Variants in CPNE8 observed in about 807,000 individuals in gnomAD.
CPNE8 encodes copine 8.
A neutral mutation model predicts 81.5 loss-of-function variants in CPNE8; 45 were observed. The observed-to-expected ratio is 0.55, with a 90% CI of 0.44 to 0.71. The LOEUF is 0.71. Ranked by LOEUF, CPNE8 falls within the 30% of genes least tolerant of loss-of-function variation. CPNE8 has a pLI of 0.00. For synonymous variants in CPNE8, 252 were observed against 226.3 expected (o/e 1.11, Z -1.02); for missense variants, 594 against 672.1 (o/e 0.88, Z 1.28).
At chr12:38,675,569 T>C in intron 18 of CPNE8, 148 bp downstream of exon 18, 1 of 584,436 alleles carries the variant, frequency 1.7e-6, no homozygotes, top group Non-Finnish European at 3.0e-6. Context: ...TCTATGTATA[T>C]GTCTAATTAT....
At chr12:38,864,592 T>G (rs946034305) in intron 3 of CPNE8, among the ~76,000 whole-genome samples, 18 of 152,228 alleles carry the variant, frequency 1.2e-4, no homozygotes, top group Admixed American at 6.5e-5. Flanking sequence ...GATGTAATTG[T>G]GCAGCGGAGA....
intron 13 of CPNE8, among the ~76,000 whole-genome samples, chr12:38,711,468 CTT>C (rs143490216): frequency 0.058 from 8,199 of 142,204 alleles, 475 homozygotes; most frequent in East Asian, 0.32. Context: ...AAGTGTAGTT[CTT>C]TTTTTTTTTT....
At chr12:38,751,531 A>T (rs1446452737) in intron 10 of CPNE8, among the ~76,000 whole-genome samples, 1 of 152,206 alleles carries the variant, frequency 6.6e-6, no homozygotes, top group African/African-American at 2.4e-5. Flanking sequence ...GACTACACAT[A>T]GCAATTCTCA....
intron 15 of CPNE8, 73 bp downstream of exon 15, chr12:38,693,578 AAAGAAT>A: frequency 7.9e-7 from 1 of 1,268,514 alleles, no homozygotes; most frequent in East Asian, 2.4e-5. Context: ...TTGACTGACT[AAAGAAT>A]AAGTACCAAA....
chr12:38,661,666 C>G (rs1938956065), intron 19 of CPNE8, among the ~76,000 whole-genome samples: 2 of 152,002 alleles, frequency 1.3e-5, no homozygotes. Flanking sequence ...AAGGCCAGAA[C>G]TACCCTGATA....
chr12:38,762,122 C>A lies in CPNE8; in HGVS notation c.670G>T (p.Asp224Tyr). 6.6e-7 allele frequency: 1 copy of A among 1,519,366 alleles called. No individual in the cohort carries two copies. The highest frequency in any genetic ancestry group is 8.9e-7 in the Non-Finnish European group (1 of 1,121,370). 94.1% of individuals were successfully genotyped at this position (1,519,366 alleles called of 1,614,324 possible). Residue 224 changes from aspartate (D) to tyrosine (Y), a missense_variant, in exon 9 of 20, where the codon GAC becomes TAC. Coordinates refer to ENST00000331366, the MANE Select transcript of CPNE8 (RefSeq NM_153634.3). ...KISVRALCNG[D>Y]YDRTIKVEVY... ...AACTATCCTTCTTACCTGTCATAGT[C>A]TCCATTACATAATGCTCTGACTGAG... is the stretch of plus-strand genomic sequence containing the variant.
chr12:38,774,872 A>G (rs894327741), intron 7 of CPNE8, among the ~76,000 whole-genome samples: 2 of 152,270 alleles, frequency 1.3e-5, no homozygotes, highest in Non-Finnish European at 1.5e-5. Context: ...CAACAACAGA[A>G]AGGCTTCAAT....
At chr12:38,757,692 C>G (rs576585554) in intron 10 of CPNE8, among the ~76,000 whole-genome samples, 29 of 151,732 alleles carry the variant, frequency 1.9e-4, no homozygotes, top group Admixed American at 1.2e-3. Flanking sequence ...ACTAAATTTT[C>G]TACATTAAAA....
At position 38,653,807 on chromosome 12, in the gene CPNE8, A is replaced by G. The variant is rs1368685205; in HGVS notation, c.*75T>C. On this transcript the variant is annotated 3_prime_UTR_variant, in exon 20 of 20. Transcript: ENST00000331366. ...AGAAAACTATCTCATTGCCTGGTTC[A>G]TTACAGAGCACCAGGCACAAAGCAT... The G allele has an allele frequency of 1.7e-5, 26 of 1,527,094 alleles. No individual in the cohort carries two copies. The highest frequency in any genetic ancestry group is 2.3e-5 in the Non-Finnish European group (26 of 1,145,126). 94.6% of individuals were successfully genotyped at this position (1,527,094 alleles called of 1,614,324 possible).
chr12:38,753,005 A>G (rs1168771677), intron 10 of CPNE8, among the ~76,000 whole-genome samples: 2 of 152,236 alleles, frequency 1.3e-5, no homozygotes, highest in Non-Finnish European at 1.5e-5. Context: ...GCAAATTGTG[A>G]AAACAAGACT....
chr12:38,792,011 T>TAA (rs567385045), intron 6 of CPNE8, among the ~76,000 whole-genome samples: 12,837 of 139,848 alleles, frequency 0.092, 697 homozygotes, highest in East Asian at 0.3. Context: ...TAGGAGAAAT[T>TAA]AAAAAAAAAA....
chr12:38,859,077 T>C (rs556792365), intron 3 of CPNE8, among the ~76,000 whole-genome samples: 2 of 152,032 alleles, frequency 1.3e-5, no homozygotes, highest in South Asian at 2.1e-4. Context: ...CTAATCGACA[T>C]AGTATGAAAA....
intron 4 of CPNE8, among the ~76,000 whole-genome samples, chr12:38,840,588 C>T (rs1057489449): frequency 2.0e-5 from 3 of 152,052 alleles, no homozygotes; most frequent in African/African-American, 7.2e-5. Context: ...CAAACAGATC[C>T]TGGTAACAGG....
At chr12:38,898,316 A>C (rs1384168744) in intron 1 of CPNE8, among the ~76,000 whole-genome samples, 1 of 152,178 alleles carries the variant, frequency 6.6e-6, no homozygotes, top group Non-Finnish European at 1.5e-5. Context: ...CTCTGAAAAA[A>C]AAATATACCA....
At chr12:38,736,757 T>C (rs975418056) in intron 10 of CPNE8, among the ~76,000 whole-genome samples, 1 of 152,000 alleles carries the variant, frequency 6.6e-6, no homozygotes, top group Non-Finnish European at 1.5e-5. Flanking sequence ...AGAAAGCATA[T>C]GATAGTTAAG....
At chr12:38,798,551 A>C (rs531603264) in intron 6 of CPNE8, among the ~76,000 whole-genome samples, 2 of 152,294 alleles carry the variant, frequency 1.3e-5, no homozygotes, top group East Asian at 1.9e-4. Context: ...TGAAGGAAGC[A>C]CTAAACATGG....
intron 6 of CPNE8, among the ~76,000 whole-genome samples, chr12:38,792,033 A>T (rs1375980129): frequency 6.6e-6 from 1 of 151,118 alleles, no homozygotes; most frequent in Admixed American, 6.6e-5. Flanking sequence ...AACTTGAGAC[A>T]AATGAAAATA....
At chr12:38,814,725 A>C (rs981056694) in intron 6 of CPNE8, among the ~76,000 whole-genome samples, 2 of 152,076 alleles carry the variant, frequency 1.3e-5, no homozygotes, top group African/African-American at 2.4e-5. Flanking sequence ...ACAGTCTGGA[A>C]TATTCTCTAT....
chr12:38,718,354 A>G lies in CPNE8; in HGVS notation c.914+5418T>C, dbSNP rs140050475. Reference sequence around the variant, plus strand: ...TTTTTTCTTTAGTTGAAAATACACAATCCTTTATGGTGGAAGTGGGGGAAG... The same window carrying G: ...TTTTTTCTTTAGTTGAAAATACACAGTCCTTTATGGTGGAAGTGGGGGAAG... On this transcript the variant is annotated intron_variant, in intron 13 of 19. Transcript: ENST00000331366. Among the ~76,000 whole-genome samples the G allele has an allele frequency of 5.2e-3, 795 of 152,332 alleles. 10 individuals carry two copies. The highest frequency in any genetic ancestry group is 0.017 in the African/African-American group (724 of 41,578).
Sources: allele counts gnomAD v4.1 joint callset (sites outside exome capture counted in the v4.1 genomes callset), GRCh38; gene constraint gnomAD v4.1.1; transcripts MANE v1.5; gene names NCBI Gene and HGNC (gene_info 2026-07-23, HGNC 2026-07-21).